Variants in CBARP observed in about 807,000 individuals in gnomAD.
The protein encoded by CBARP is CACN subunit beta associated regulatory protein, also known as voltage-dependent calcium channel beta subunit-associated regulatory protein.
CBARP carries 24 observed loss-of-function variants against 36.3 expected under a neutral mutation model. The ratio of observed to expected loss-of-function variants is 0.66; its 90% confidence interval spans 0.48 to 0.93. The LOEUF (loss-of-function observed/expected upper bound fraction) is 0.93. Ranked by LOEUF, CBARP falls within the 40% of genes least tolerant of loss-of-function variation. The probability of loss-of-function intolerance (pLI) is 0.00; values close to 1 mark genes in which losing one functional copy is unlikely to be tolerated. For missense variants in CBARP, 1,146 were observed against 980.4 expected (o/e 1.17, Z -2.26); for synonymous variants, 586 against 453.2 (o/e 1.29, Z -3.72).
At chr19:1,233,179 G>C (rs1001807842) in intron 8 of CBARP, among the ~76,000 whole-genome samples, 1 of 152,210 alleles carries the variant, frequency 6.6e-6, no homozygotes, top group African/African-American at 2.4e-5. Flanking sequence ...GTCGGGGCGC[G>C]CAAAGCCTTC....
At chr19:1,235,195 G>C in intron 4 of CBARP, 50 bp from the exon 5 acceptor site, 1 of 1,455,614 alleles carries the variant, frequency 6.9e-7, no homozygotes. Context: ...CACGCCAGGC[G>C]CCTGGTCCCG....
chr19:1,235,748 C>T, intron 3 of CBARP, 31 bp downstream of exon 3: 1 of 1,606,092 alleles, frequency 6.2e-7, no homozygotes, highest in Non-Finnish European at 8.5e-7. Flanking sequence ...AACCACCATG[C>T]ACCTGCCCAG....
chr19:1,235,604 C>T, intron 3 of CBARP, 39 bp from the exon 4 acceptor site: 1 of 1,595,458 alleles, frequency 6.3e-7, no homozygotes, highest in Non-Finnish European at 8.5e-7. Context: ...GCACGGAGGG[C>T]CCAGATAGCC....
At chr19:1,238,304 T>G (rs1291231792), upstream of CBARP, 2 of 152,342 alleles carry the variant, frequency 1.3e-5, no homozygotes, top group Non-Finnish European at 2.9e-5. Context: ...CCGTGGGGGT[T>G]CTGGGGCGGC....
rs8110590 is a variant in CBARP at position 1,231,143 on chromosome 19, T to C, written c.1112A>G (p.His371Arg). ...CGGGCTGGCCAGAAAGGGGCGGGGG[T>C]GCGGGAAGGCCACGGCGTCGCCCGC... Reference protein sequence around the residue: ...ARAGDAVAFPHPRPFLASPPP... With the variant: ...ARAGDAVAFPRPRPFLASPPP... Residue 371 changes from histidine to arginine, a missense_variant, in exon 9 of 10, where the codon CAC (histidine) becomes CGC (arginine). Coordinates refer to ENST00000650044, the MANE Select transcript of CBARP (RefSeq NM_001393918.1). 824,021 of 1,596,906 alleles carry C rather than the reference T, an allele frequency of 0.52. 219,236 individuals carry two copies. Among genetic ancestry groups the C allele is most frequent in the East Asian group, 0.98 (43,874 of 44,578 alleles).
intron 9 of CBARP, chr19:1,230,795 G>C (rs1389490847): frequency 2.1e-6 from 3 of 1,426,140 alleles, no homozygotes; most frequent in Admixed American, 2.6e-5. Flanking sequence ...GAGGGCCTGG[G>C]ACCACAGCAG....
intron 8 of CBARP, 112 bp from the exon 9 acceptor site, chr19:1,231,387 C>A (rs1413650297): frequency 2.2e-6 from 3 of 1,391,182 alleles, no homozygotes; most frequent in East Asian, 2.7e-5. Flanking sequence ...TGTGCCCCCC[C>A]GCCACACACA....
Position 1,231,208 on chromosome 19 carries a change from C to G in CBARP, c.1047G>C (p.Gly349=), listed in dbSNP as rs372008248. 6.2e-7 allele frequency: 1 copy of G among 1,603,708 alleles called. No homozygotes were observed. Among genetic ancestry groups the G allele is most frequent in the Non-Finnish European group, 8.5e-7 (1 of 1,179,380 alleles). The stretch of plus-strand genomic sequence containing the variant: ...GGATGAAGTCCTCCTGGGGGGCATC[C>G]CCCTCCTCCTGCTCCGTGCTCTCAC... The part of the protein sequence containing the change: ...AASESTEQEE[G]DAPQEDFIQY... Residue 349 remains glycine, a synonymous_variant, in exon 9 of 10, where the codon GGG becomes GGC. Coordinates refer to ENST00000650044, the MANE Select transcript of CBARP (RefSeq NM_001393918.1).
In CBARP at chr19:1,234,543, G is replaced by A. The variant is rs779500133; in HGVS notation, c.627+28C>T. 8.2e-6 allele frequency: 13 copies of A among 1,577,566 alleles called. No individual in the cohort carries two copies. In the South Asian group the frequency reaches 1.4e-4, roughly 17 times the overall value. On this transcript the variant is annotated intron_variant, in intron 6 of 9. Transcript: ENST00000650044. ...CCGGGGCTGCCTCCCGTCCCCCGAG[G>A]AACCGGGGCTGCTGCCCATAGGCTC...
In CBARP at chr19:1,234,327, G is replaced by C. The variant is rs1029114455; in HGVS notation, c.632C>G (p.Pro211Arg). ...AGAGCGGCCGGTGAGGGCCTTCCCC[G>C]GGGGCTGTGGGACAGAGCCAGGTGG... is the stretch of plus-strand genomic sequence containing the variant. ...PKATLAIFQP[P>R]GKALTGRSVG... Residue 211 changes from proline to arginine, a missense_variant, in exon 7 of 10, where the codon CCG (proline) becomes CGG (arginine). Pro to Arg is a moderately radical substitution (Grantham distance 103). Transcript: ENST00000650044. The C allele has an allele frequency of 3.5e-6, 5 of 1,441,126 alleles. No homozygotes were observed. The highest frequency in any genetic ancestry group is 1.4e-5 in the African/African-American group (1 of 69,496). 89.3% of individuals were successfully genotyped at this position (1,441,126 alleles called of 1,614,324 possible).
At chr19:1,230,674 C>T (rs1260502250) in intron 9 of CBARP, 1 of 1,280,800 alleles carries the variant, frequency 7.8e-7, no homozygotes, top group Non-Finnish European at 9.8e-7. Context: ...CCCTGGGCTT[C>T]AGGGAAGTTG....
At position 1,234,637 on chromosome 19, in the gene CBARP, G is replaced by A. The variant is rs773021280; in HGVS notation, c.561C>T (p.Gly187=). The change falls in exon 6 of 10, where the codon GGC becomes GGT. Residue 187 remains glycine, a synonymous_variant. Coordinates refer to ENST00000650044, the MANE Select transcript of CBARP (RefSeq NM_001393918.1). ...KIVTIHECDS[G]EASSATTPHP... ...GGGGCGTGGTGGCTGAGCTGGCCTC[G>A]CCTGAGTCACACTCGTGGATGGTGA... 6.2e-7 allele frequency: 1 copy of A among 1,610,708 alleles called. No homozygotes were observed.
rs1043485889 is a variant in CBARP at position 1,234,049 on chromosome 19, C to G, written c.768+142G>C. On this transcript the variant is annotated intron_variant, in intron 7 of 9. Coordinates refer to ENST00000650044, the MANE Select transcript of CBARP (RefSeq NM_001393918.1). ...GGTGTGCGGCCGGCTCCCTCTTTCT[C>G]CCGTGTGCAATGACCCGGCGGGCCA... 8 of 1,026,926 alleles carry G rather than the reference C, an allele frequency of 7.8e-6. No individual in the cohort carries two copies. The African/African-American group carries it at 9.9e-5, about 13-fold the overall frequency. 63.6% of individuals were successfully genotyped at this position (1,026,926 alleles called of 1,614,324 possible). A position where few individuals can be genotyped will look rare whatever the true frequency, so the allele number is the denominator to read the frequency against.
In CBARP at chr19:1,233,711, G is replaced by A. The variant is rs961021125; in HGVS notation, c.769-75C>T. The A allele has an allele frequency of 4.3e-6, 6 of 1,398,224 alleles. No homozygotes were observed. The African/African-American group carries it at 7.1e-5, about 16-fold the overall frequency. The allele number at this position is 1,398,224 out of a possible 1,614,324, so 86.6% of individuals were successfully genotyped here. On this transcript the variant is annotated intron_variant, in intron 7 of 9. Coordinates refer to ENST00000650044, the MANE Select transcript of CBARP (RefSeq NM_001393918.1). Reference sequence around the variant, plus strand: ...GTGTGCTGGCCCCAGGTGGCCGTAGGTCTGAGAGACAGTCCCAAGGGCCCC... The same window carrying A: ...GTGTGCTGGCCCCAGGTGGCCGTAGATCTGAGAGACAGTCCCAAGGGCCCC...
chr19:1,235,014 C>A lies in CBARP; in HGVS notation c.442G>T (p.Asp148Tyr). Residue 148 changes from aspartate to tyrosine, a missense_variant, in exon 5 of 10, where the codon GAC (aspartate) becomes TAC (tyrosine). Physicochemically the swap from Asp to Tyr is radical, Grantham distance 160 (BLOSUM62 -3). Transcript: ENST00000650044. ...ALFEQSRKTQDKGRRYTLTEG... is the reference protein window; with the variant it reads ...ALFEQSRKTQYKGRRYTLTEG... ...CGCCCCGCTTACCGGCGACCCTTGT[C>A]CTGCGTCTTGCGGCTCTGCTCAAAC... 1 of 1,608,666 alleles carries A rather than the reference C, an allele frequency of 6.2e-7. No homozygotes were observed.
intron 7 of CBARP, 57 bp from the exon 8 acceptor site, chr19:1,233,693 G>C (rs2145453648): frequency 1.3e-6 from 2 of 1,484,622 alleles, no homozygotes; most frequent in Non-Finnish European, 1.8e-6. Flanking sequence ...CCCGTGTGCT[G>C]GCCCCAGGTG....
rs2080861321 is a variant in CBARP, at chr19:1,229,476, G to A, written c.1821C>T (p.Gly607=). 2 of 979,076 alleles carry A rather than the reference G, an allele frequency of 2.0e-6. No homozygotes were observed. Among genetic ancestry groups the A allele is most frequent in the Non-Finnish European group, 2.4e-6 (2 of 827,668 alleles). The allele number at this position is 979,076 out of a possible 1,614,324, so 60.6% of individuals were successfully genotyped here. ...AGGGCGCACGCGCGGGTCGGGCCGC[G>A]CCGGCAGGCGGTGCCGGGGTTCCGG... ...ALAGTPAPPA[G]AARPARAPLR... Residue 607 remains glycine (G), a synonymous_variant, in exon 10 of 10, where the codon GGC becomes GGT. Transcript: ENST00000650044. The surrounding 1 kb of genome is among the most constrained non-coding windows in gnomAD (Gnocchi z 5.1).
At chr19:1,231,350 G>GC (rs926248786) in intron 8 of CBARP, 75 bp from the exon 9 acceptor site, 111 of 1,472,726 alleles carry the variant, frequency 7.5e-5, no homozygotes, top group South Asian at 3.0e-4. Context: ...GAATGCCTAT[G>GC]CCCCCCCGCC....
intron 8 of CBARP, among the ~76,000 whole-genome samples, chr19:1,232,736 A>C (rs142687145): frequency 2.0e-5 from 3 of 152,354 alleles, no homozygotes; most frequent in African/African-American, 7.2e-5. Context: ...AGCTTCGGTA[A>C]GTTTTACTGG....
Sources: allele counts gnomAD v4.1 joint callset (sites outside exome capture counted in the v4.1 genomes callset), GRCh38; gene constraint gnomAD v4.1.1; non-coding constraint Gnocchi (gnomAD v3.1); transcripts MANE v1.5; gene names NCBI Gene and HGNC (gene_info 2026-07-23, HGNC 2026-07-21).